Variants in ZCCHC14 observed in about 807,000 individuals in gnomAD.
ZCCHC14 encodes the protein zinc finger CCHC-type containing 14.
Under a neutral mutation model 85.0 loss-of-function variants are expected in ZCCHC14, and 16 were observed. The ratio of observed to expected loss-of-function variants is 0.19; its 90% confidence interval spans 0.13 to 0.29. The LOEUF (loss-of-function observed/expected upper bound fraction) is 0.29, where lower values mean the gene tolerates loss of function less well. Ranked by LOEUF, ZCCHC14 falls within the 10% of genes least tolerant of loss-of-function variation. The pLI, the probability that ZCCHC14 is intolerant of heterozygous loss-of-function variation, is 1.00. For missense variants in ZCCHC14, 1,303 were observed against 1,443.5 expected, an observed-to-expected ratio of 0.90 and a Z score of 1.58; for synonymous variants, 775 against 630.7, an observed-to-expected ratio of 1.23 and a Z score of -3.43.
intron 2 of ZCCHC14, among the ~76,000 whole-genome samples, chr16:87,442,421 C>G (rs1029832595): frequency 1.3e-5 from 2 of 152,184 alleles, no homozygotes; most frequent in African/African-American, 4.8e-5. Flanking sequence ...CAGATCCCAA[C>G]ACTGAGATGG....
chr16:87,484,119 G>A (rs779171908), intron 1 of ZCCHC14, among the ~76,000 whole-genome samples: 3 of 152,212 alleles, frequency 2.0e-5, no homozygotes, highest in East Asian at 1.9e-4. Flanking sequence ...AAGGTTCTAC[G>A]AGGAAGTGTG....
chr16:87,462,614 C>G (rs1911319702), intron 1 of ZCCHC14, among the ~76,000 whole-genome samples: 1 of 151,928 alleles, frequency 6.6e-6, no homozygotes, highest in Admixed American at 6.6e-5. Context: ...GTGGCGGGTG[C>G]TTGTAGTCCC....
intron 1 of ZCCHC14, among the ~76,000 whole-genome samples, chr16:87,466,891 C>A (rs996029532): frequency 6.6e-6 from 1 of 152,250 alleles, no homozygotes; most frequent in African/African-American, 2.4e-5. Context: ...ACCGTGCCCA[C>A]CAGAGGGGCA....
At chr16:87,462,252 T>C (rs536312210) in intron 1 of ZCCHC14, among the ~76,000 whole-genome samples, 56 of 152,306 alleles carry the variant, frequency 3.7e-4, no homozygotes, top group Admixed American at 7.8e-4. Context: ...AATTGGGTGA[T>C]TTCCTTCCGA....
At chr16:87,458,854 A>G (rs1911110771) in intron 2 of ZCCHC14, among the ~76,000 whole-genome samples, 1 of 152,150 alleles carries the variant, frequency 6.6e-6, no homozygotes, top group Non-Finnish European at 1.5e-5. Context: ...CGGTACCTCT[A>G]TGCCATGGGG....
chr16:87,433,890 C>T (rs1318323927), intron 2 of ZCCHC14, among the ~76,000 whole-genome samples: 6 of 152,116 alleles, frequency 3.9e-5, no homozygotes, highest in Non-Finnish European at 8.8e-5. Flanking sequence ...GTGATCCGCC[C>T]GCCTCAGCCT....
rs754950032 is a variant in ZCCHC14 at position 87,410,257 on chromosome 16, C to G, written c.*23G>C. ...TCCTTATGTCTCCATGGCTTAATAA[C>G]GTTCTGTTGCCAGAGAAAAATATCA... is the stretch of plus-strand genomic sequence containing the variant. On this transcript the variant is annotated 3_prime_UTR_variant, in exon 13 of 13. Coordinates refer to ENST00000671377, the MANE Select transcript of ZCCHC14 (RefSeq NM_015144.3). The G allele has an allele frequency of 1.3e-6, 1 of 753,532 alleles. No individual in the cohort carries two copies. The highest frequency in any genetic ancestry group is 2.5e-6 in the Non-Finnish European group (1 of 407,790). The allele number at this position is 753,532 out of a possible 1,614,324, so 46.7% of individuals were successfully genotyped here.
intron 1 of ZCCHC14, among the ~76,000 whole-genome samples, chr16:87,468,089 G>A (rs28503604): frequency 0.29 from 44,546 of 152,070 alleles, 9,914 homozygotes; most frequent in African/African-American, 0.6. Context: ...TCTTAAGAAT[G>A]GTACATTTAA....
chr16:87,449,516 G>A (rs148056733), intron 2 of ZCCHC14, among the ~76,000 whole-genome samples: 1 of 151,932 alleles, frequency 6.6e-6, no homozygotes, highest in Non-Finnish European at 1.5e-5. Context: ...ATTCAGCAAC[G>A]CCACCAAGAG....
intron 3 of ZCCHC14, among the ~76,000 whole-genome samples, chr16:87,431,578 T>G (rs574348862): frequency 1.3e-5 from 2 of 152,214 alleles, no homozygotes; most frequent in African/African-American, 4.8e-5. Flanking sequence ...ACCTGACTCC[T>G]GATTTCCTCA....
chr16:87,460,410 C>T (rs1911201640), intron 1 of ZCCHC14, among the ~76,000 whole-genome samples: 1 of 152,150 alleles, frequency 6.6e-6, no homozygotes, highest in Non-Finnish European at 1.5e-5. Context: ...GCCAAAGAGG[C>T]CGGGCACGGT....
intron 2 of ZCCHC14, among the ~76,000 whole-genome samples, chr16:87,449,221 T>C (rs1358455243): frequency 6.6e-6 from 1 of 152,210 alleles, no homozygotes. Flanking sequence ...ACCCCAGGCA[T>C]CTCTTAAACC....
intron 2 of ZCCHC14, among the ~76,000 whole-genome samples, chr16:87,459,511 ATTT>A (rs11385063): frequency 1.4e-5 from 2 of 140,526 alleles, no homozygotes; most frequent in Non-Finnish European, 3.1e-5. Context: ...GGCCTGGCTA[ATTT>A]TTTTTTTTTT....
At chr16:87,468,684 A>G (rs564111839) in intron 1 of ZCCHC14, among the ~76,000 whole-genome samples, 8 of 152,198 alleles carry the variant, frequency 5.3e-5, no homozygotes, top group Non-Finnish European at 8.8e-5. Context: ...AACTGGGGGA[A>G]ATTTTGTCCC....
intron 1 of ZCCHC14, among the ~76,000 whole-genome samples, chr16:87,487,782 A>C (rs761144937): frequency 6.6e-6 from 1 of 152,248 alleles, no homozygotes; most frequent in Admixed American, 6.5e-5. Context: ...GCCTCTTCAC[A>C]CAGGGGAACG....
chr16:87,480,888 A>G (rs750124906), intron 1 of ZCCHC14, among the ~76,000 whole-genome samples: 1 of 152,236 alleles, frequency 6.6e-6, no homozygotes, highest in African/African-American at 2.4e-5. Flanking sequence ...CCAAGGGCAC[A>G]GGAGAGAGAA....
rs1567533717 is a variant in ZCCHC14, at chr16:87,460,046, T to G, written c.656A>C (p.Glu219Ala). ...ALHTSAHSTE[E>A]SLPKRPLGKH... The stretch of plus-strand genomic sequence containing the variant: ...TCCTAAGGGCCTCTTGGGCAGCGAC[T>G]CCTCCGTGGAATGTGCTGATGTGTG... Residue 219 changes from glutamate to alanine, a missense_variant, in exon 2 of 13, where the codon GAG becomes GCG. This residue lies in a region of ZCCHC14 where 389 missense variants were observed against 397.8 expected (regional missense o/e 0.98). Transcript: ENST00000671377. The G allele has an allele frequency of 6.2e-7, 1 of 1,614,170 alleles. No homozygotes were observed. The highest frequency in any genetic ancestry group is 1.7e-5 in the Admixed American group (1 of 60,018).
chr16:87,467,307 G>T (rs931508563), intron 1 of ZCCHC14: 4 of 1,582,078 alleles, frequency 2.5e-6, no homozygotes, highest in African/African-American at 1.4e-5. Context: ...CCTCAATAAT[G>T]TAACACTGCC....
chr16:87,452,045 G>GT (rs1253207838), intron 2 of ZCCHC14, among the ~76,000 whole-genome samples: 1 of 152,236 alleles, frequency 6.6e-6, no homozygotes, highest in Admixed American at 6.5e-5. Context: ...CGGACAAGCC[G>GT]TAAGCAGGGG....
Sources: gnomAD v4.1 joint callset for allele counts (sites outside exome capture counted in the v4.1 genomes callset) on GRCh38, gnomAD v4.1.1 for gene constraint, gnomAD v4.1.1 regional missense constraint, MANE v1.5 for transcripts, NCBI Gene and HGNC (gene_info 2026-07-23, HGNC 2026-07-21) for gene names.